Variants in ANAPC10 observed in about 807,000 individuals in gnomAD.
ANAPC10 encodes the protein anaphase-promoting complex subunit 10.
ANAPC10 carries 12 observed loss-of-function variants against 22.0 expected under a neutral mutation model. The ratio of observed to expected loss-of-function variants is 0.55; its 90% CI spans 0.35 to 0.88. ANAPC10 has a LOEUF of 0.88. ANAPC10 is among the 40% of genes least tolerant of loss of function. The pLI is 0.01. For missense variants in ANAPC10, 188 were observed against 220.9 expected, an observed-to-expected ratio of 0.85 and a Z score of 0.94; for synonymous variants, 65 against 69.5, an observed-to-expected ratio of 0.94 and a Z score of 0.32.
At chr4:145,011,104 A>C (rs1457450575) in intron 4 of ANAPC10, among the ~76,000 whole-genome samples, 2 of 151,886 alleles carry the variant, frequency 1.3e-5, no homozygotes, top group African/African-American at 4.8e-5. Context: ...GGCCGAGGCA[A>C]GTGGATCACC....
intron 3 of ANAPC10, among the ~76,000 whole-genome samples, chr4:145,079,262 A>G (rs1745611942): frequency 6.6e-6 from 1 of 152,258 alleles, no homozygotes; most frequent in South Asian, 2.1e-4. Flanking sequence ...GCCAACAAGC[A>G]TATGAAAAGA....
intron 4 of ANAPC10, among the ~76,000 whole-genome samples, chr4:145,008,233 T>G (rs1733730547): frequency 6.6e-6 from 1 of 152,134 alleles, no homozygotes; most frequent in Non-Finnish European, 1.5e-5. Flanking sequence ...CCAGATGGAT[T>G]CACAGACAAA....
chr4:145,002,672 AG>A (rs1337768955), intron 4 of ANAPC10, among the ~76,000 whole-genome samples: 4 of 152,208 alleles, frequency 2.6e-5, no homozygotes, highest in Non-Finnish European at 5.9e-5. Flanking sequence ...TTTTATCAAA[AG>A]CCCAAGATAG....
chr4:145,034,543 A>ATATATGTGTG (rs4029448), intron 4 of ANAPC10, among the ~76,000 whole-genome samples: 1 of 133,848 alleles, frequency 7.5e-6, no homozygotes, highest in African/African-American at 3.0e-5. Context: ...ATATATATAT[A>ATATATGTGTG]TGTGTGTGTG....
intron 4 of ANAPC10, among the ~76,000 whole-genome samples, chr4:145,043,401 T>G (rs1739807223): frequency 6.6e-6 from 1 of 152,152 alleles, no homozygotes; most frequent in Admixed American, 6.6e-5. Flanking sequence ...TCTACACTAG[T>G]CTTGGTTCAC....
chr4:145,095,959 C>T (rs1196253858), intron 2 of ANAPC10, 26 bp downstream of exon 2: 7 of 1,613,888 alleles, frequency 4.3e-6, no homozygotes, highest in Non-Finnish European at 5.9e-6. Context: ...CTATTTCCAA[C>T]AGCTTTTTTG....
chr4:145,076,437 A>C (rs1745208324), intron 3 of ANAPC10, among the ~76,000 whole-genome samples: 1 of 152,196 alleles, frequency 6.6e-6, no homozygotes, highest in Non-Finnish European at 1.5e-5. Flanking sequence ...AAAAGCAAAA[A>C]AGTCCCATCT....
intron 4 of ANAPC10, among the ~76,000 whole-genome samples, chr4:144,997,834 C>G (rs1396889045): frequency 6.6e-6 from 1 of 152,024 alleles, no homozygotes; most frequent in Non-Finnish European, 1.5e-5. Flanking sequence ...TTCAGGAGAC[C>G]CATCTCACGT....
chr4:145,080,907 CAAAAAAAAAAA>C (rs58188670), intron 3 of ANAPC10, among the ~76,000 whole-genome samples: 8 of 38,848 alleles, frequency 2.1e-4, no homozygotes, highest in Admixed American at 1.9e-3. Context: ...AACTCCATCT[CAAAAAAAAAAA>C]AAAAAAAAAA....
Position 144,995,511 on chromosome 4 carries a change from A to G in ANAPC10, c.420T>C (p.Ala140=), listed in dbSNP as rs753774593. ...KPTRTFMIQI[A]VLANHQNGRD... is the part of the protein sequence containing the mutation. Reference sequence around the variant, plus strand: ...TTCCATTCTGGTGATTGGCTAGAACAGCAATCTGTATCATGAATGTACGAG... The same window carrying G: ...TTCCATTCTGGTGATTGGCTAGAACGGCAATCTGTATCATGAATGTACGAG... Residue 140 remains alanine, a synonymous_variant, in exon 5 of 5, where the codon GCT becomes GCC. Coordinates refer to ENST00000507656, the MANE Select transcript of ANAPC10 (RefSeq NM_001256706.2). 3.7e-6 allele frequency: 6 copies of G among 1,613,928 alleles called. No individual in the cohort carries two copies. Among genetic ancestry groups the G allele is most frequent in the East Asian group, 2.2e-5 (1 of 44,834 alleles).
chr4:145,078,804 A>C (rs1745550910), intron 3 of ANAPC10, among the ~76,000 whole-genome samples: 1 of 152,156 alleles, frequency 6.6e-6, no homozygotes, highest in Non-Finnish European at 1.5e-5. Flanking sequence ...TAAATTGTAC[A>C]GGGATAACTG....
In ANAPC10 at chr4:145,079,291, A is replaced by G. The variant is rs975592211; in HGVS notation, c.206+2369T>C. Among the ~76,000 whole-genome samples the G allele has an allele frequency of 3.3e-5, 5 of 152,196 alleles. No homozygotes were observed. In the South Asian group the frequency reaches 8.3e-4, roughly 25 times the overall value. ...GAAAAGATGGTCAACCTCACTAATC[A>G]CTGGAGAAATACAAATCAAAACCAC... On this transcript the variant is annotated intron_variant, in intron 3 of 4. Transcript: ENST00000507656.
intron 3 of ANAPC10, among the ~76,000 whole-genome samples, chr4:145,065,465 T>C (rs1438672521): frequency 6.6e-6 from 1 of 152,038 alleles, no homozygotes; most frequent in East Asian, 1.9e-4. Context: ...CACCAGTTAG[T>C]AGAAACACAA....
intron 2 of ANAPC10, among the ~76,000 whole-genome samples, chr4:145,091,948 T>C (rs142330443): frequency 7.2e-5 from 11 of 152,290 alleles, no homozygotes; most frequent in African/African-American, 2.2e-4. Context: ...GCCAAAATGC[T>C]GAGGCCAGGC....
In ANAPC10 at chr4:145,030,001, A is replaced by C. The variant is rs7687122; in HGVS notation, c.328-34398T>G. ...GGGAATAATTGAATCCCAAGGTGGCAGGCGCTAAGTGGCAGCACTCAATCA... is the reference window on the plus strand; with the variant it reads ...GGGAATAATTGAATCCCAAGGTGGCCGGCGCTAAGTGGCAGCACTCAATCA... On this transcript the variant is annotated intron_variant, in intron 4 of 4. Coordinates refer to ENST00000507656, the MANE Select transcript of ANAPC10 (RefSeq NM_001256706.2). 8.8e-3 allele frequency among the ~76,000 whole-genome samples: 1,344 copies of C among 152,322 alleles called. 20 individuals carry two copies. Among genetic ancestry groups the C allele is most frequent in the African/African-American group, 0.03 (1,263 of 41,552 alleles).
intron 2 of ANAPC10, among the ~76,000 whole-genome samples, chr4:145,089,361 T>C (rs1352838712): frequency 6.6e-6 from 1 of 152,156 alleles, no homozygotes; most frequent in Non-Finnish European, 1.5e-5. Context: ...GTTCACAAAA[T>C]ACAGCCATAC....
At chr4:145,046,470 G>C (rs1740313365) in intron 4 of ANAPC10, among the ~76,000 whole-genome samples, 2 of 151,928 alleles carry the variant, frequency 1.3e-5, no homozygotes, top group Admixed American at 1.3e-4. Context: ...AAAATCAAAG[G>C]AAGTATCCAC....
chr4:145,046,115 A>G (rs1286923668), intron 4 of ANAPC10, among the ~76,000 whole-genome samples: 2 of 152,070 alleles, frequency 1.3e-5, no homozygotes, highest in East Asian at 3.8e-4. Flanking sequence ...CTGCCTTCAC[A>G]TTGGCTACAG....
chr4:145,019,798 C>T (rs1735716013), intron 4 of ANAPC10, among the ~76,000 whole-genome samples: 1 of 152,052 alleles, frequency 6.6e-6, no homozygotes. Flanking sequence ...TTCAAGGCTA[C>T]TATGAATATG....
Sources: gnomAD v4.1 joint callset for allele counts (sites outside exome capture counted in the v4.1 genomes callset) on GRCh38, gnomAD v4.1.1 for gene constraint, MANE v1.5 for transcripts, NCBI Gene and HGNC (gene_info 2026-07-23, HGNC 2026-07-21) for gene names.